VCAN: variants seen among roughly 807,000 people sequenced by gnomAD.
VCAN encodes versican core protein.
In VCAN, 44 loss-of-function variants were observed where a neutral mutation model predicts 245.5. The observed-to-expected ratio is 0.18, with a 90% CI of 0.14 to 0.23. The LOEUF (loss-of-function observed/expected upper bound fraction) is 0.23, where lower values mean the gene tolerates loss of function less well. VCAN is among the 10% of genes least tolerant of loss of function. The pLI, the probability that VCAN is intolerant of heterozygous loss-of-function variation, is 1.00. For missense variants in VCAN, 3,793 were observed against 4,057.9 expected (o/e 0.93, Z 1.77); for synonymous variants, 1,413 against 1,437.0 (o/e 0.98, Z 0.38).
Position 83,519,981 on chromosome 5 carries a change from G to T in VCAN, c.1675G>T (p.Asp559Tyr). The change falls in exon 7 of 15, where the codon GAC becomes TAC. Residue 559 changes from aspartate to tyrosine, a missense_variant. Physicochemically the swap from Asp to Tyr is radical, Grantham distance 160. Coordinates refer to ENST00000265077, the MANE Select transcript of VCAN (RefSeq NM_004385.5). ...CACCTTGGGAGAAGAGGATGATGAA[G>T]ACAGAACACTTACAGTTGGATCTGA... Reference protein sequence around the residue: ...GFTLGEEDDEDRTLTVGSDES... With the variant: ...GFTLGEEDDEYRTLTVGSDES... 6.2e-7 allele frequency: 1 copy of T among 1,614,046 alleles called. No homozygotes were observed. Among genetic ancestry groups the T allele is most frequent in the South Asian group, 1.1e-5 (1 of 91,062 alleles).
rs1259964573 is a variant in VCAN, at chr5:83,538,106, G to A, written c.5103G>A (p.Val1701=). 13 of 1,614,032 alleles carry A rather than the reference G, an allele frequency of 8.1e-6. No individual in the cohort carries two copies. The highest frequency in any genetic ancestry group is 1.1e-5 in the Non-Finnish European group (13 of 1,179,972). The change falls in exon 8 of 15, where the codon GTG becomes GTA. Residue 1701 remains valine (V), a synonymous_variant. Transcript: ENST00000265077. The part of the protein sequence containing the change: ...PVSEQPSAKV[V]PTKFVSETDT... ...CTGAACAACCTTCTGCAAAAGTGGT[G>A]CCTACCAAGTTTGTAAGTGAAACAG... is the stretch of plus-strand genomic sequence containing the variant.
At chr5:83,550,300 A>G (rs376503945) in intron 10 of VCAN, among the ~76,000 whole-genome samples, 1 of 152,180 alleles carries the variant, frequency 6.6e-6, no homozygotes, top group Non-Finnish European at 1.5e-5. Flanking sequence ...CACACTACAA[A>G]TCTGGGTTTG....
chr5:83,474,726 A>T (rs1364461652), intron 1 of VCAN, among the ~76,000 whole-genome samples: 2 of 152,174 alleles, frequency 1.3e-5, no homozygotes, highest in Non-Finnish European at 2.9e-5. Context: ...CGGGGAAGGC[A>T]GGGCCCAGCT....
At chr5:83,578,042 C>T (rs914509910) in intron 13 of VCAN, among the ~76,000 whole-genome samples, 26 of 152,162 alleles carry the variant, frequency 1.7e-4, no homozygotes, top group African/African-American at 6.3e-4. Context: ...TTTTAACCTT[C>T]CCTATCACTT....
chr5:83,573,467 A>T (rs1051330046), intron 13 of VCAN, among the ~76,000 whole-genome samples: 1 of 152,124 alleles, frequency 6.6e-6, no homozygotes, highest in Admixed American at 6.5e-5. Flanking sequence ...CCCAATCCTG[A>T]AAGACACAAT....
At chr5:83,534,350 C>T (rs2112434222) in intron 7 of VCAN, among the ~76,000 whole-genome samples, 1 of 151,850 alleles carries the variant, frequency 6.6e-6, no homozygotes, top group South Asian at 2.1e-4. Context: ...CTTATTTATC[C>T]TTGTGTTTTG....
At chr5:83,483,195 T>C (rs754581362) in intron 1 of VCAN, among the ~76,000 whole-genome samples, 18 of 152,234 alleles carry the variant, frequency 1.2e-4, no homozygotes, top group Non-Finnish European at 2.4e-4. Flanking sequence ...GTGGTCTCTG[T>C]TGTTCTTCAT....
In VCAN at chr5:83,538,901, C is replaced by T. The variant is rs1240778909; in HGVS notation, c.5898C>T (p.Asp1966=). 5 of 1,613,962 alleles carry T rather than the reference C, an allele frequency of 3.1e-6. No homozygotes were observed. Among genetic ancestry groups the T allele is most frequent in the Non-Finnish European group, 2.5e-6 (3 of 1,179,952 alleles). The part of the protein sequence containing the change: ...MEGSGDAAFR[D]TQTSPSTVPT... ...GCTCTGGAGATGCAGCATTTAGGGA[C>T]ACCCAGACTTCACCATCTACAGTAC... Residue 1966 remains aspartate, a synonymous_variant, in exon 8 of 15, where the codon GAC becomes GAT. Transcript: ENST00000265077.
intron 7 of VCAN, chr5:83,536,553 C>T (rs1746713366): frequency 1.3e-5 from 2 of 152,842 alleles, no homozygotes; most frequent in South Asian, 4.1e-4. Context: ...ATTACTTTTT[C>T]TATATAGATC....
chr5:83,521,760 T>C lies in VCAN; in HGVS notation c.3454T>C (p.Ser1152Pro), dbSNP rs1746112060. The C allele has an allele frequency of 6.2e-7, 1 of 1,614,152 alleles. No homozygotes were observed. The highest frequency in any genetic ancestry group is 8.5e-7 in the Non-Finnish European group (1 of 1,180,028). The change falls in exon 7 of 15, where the codon TCA becomes CCA. Residue 1152 changes from serine to proline, a missense_variant. Transcript: ENST00000265077. ...TEGSSTTGFT[S>P]SLSPFSTHIT... ...AGGTAGTAGTACAACAGGATTTACA[T>C]CATCTTTGAGTCCTTTTAGTACCCA...
At position 83,540,057 on chromosome 5, in the gene VCAN, T is replaced by C. The variant is rs757698733; in HGVS notation, c.7054T>C (p.Ser2352Pro). ...EGPTVAPLPF[S>P]TDIGHPQNQT... is the part of the protein sequence containing the mutation. ...ACCCACGGTGGCACCTCTCCCTTTC[T>C]CCACGGACATCGGACATCCTCAAAA... is the stretch of plus-strand genomic sequence containing the variant. Residue 2352 changes from serine to proline, a missense_variant, in exon 8 of 15, where the codon TCC (serine) becomes CCC (proline). Physicochemically the swap from Ser to Pro is moderately conservative, Grantham distance 74. Transcript: ENST00000265077. The C allele has an allele frequency of 1.2e-6, 2 of 1,614,038 alleles. No individual in the cohort carries two copies. Among genetic ancestry groups the C allele is most frequent in the Admixed American group, 3.3e-5 (2 of 59,982 alleles).
intron 7 of VCAN, among the ~76,000 whole-genome samples, chr5:83,530,305 A>G (rs1275431030): frequency 6.6e-6 from 1 of 152,170 alleles, no homozygotes; most frequent in African/African-American, 2.4e-5. Context: ...GCATATTTAT[A>G]GAATGAATGG....
intron 10 of VCAN, among the ~76,000 whole-genome samples, chr5:83,551,014 GAT>G (rs1747442859): frequency 1.3e-5 from 2 of 148,828 alleles, no homozygotes; most frequent in African/African-American, 5.0e-5. Flanking sequence ...CTATGATTTA[GAT>G]AGTACAAATA....
At position 83,471,870 on chromosome 5, in the gene VCAN, G is replaced by A; in HGVS notation, c.-160G>A. On this transcript the variant is annotated 5_prime_UTR_variant, in exon 1 of 15. Transcript: ENST00000265077. ...GGGACCAAGATCTTCGGCCAGCCCC[G>A]CATCCTCCCGCATCTTCCAGCACCG... 1 of 395,106 alleles carries A rather than the reference G, an allele frequency of 2.5e-6. No homozygotes were observed. 24.5% of individuals were successfully genotyped at this position (395,106 alleles called of 1,614,324 possible). A position where few individuals can be genotyped will look rare whatever the true frequency, so the allele number is the denominator to read the frequency against.
Position 83,580,407 on chromosome 5 carries a change from C to A in VCAN, c.10164C>A (p.Ser3388Arg). The A allele has an allele frequency of 6.2e-7, 1 of 1,613,848 alleles. No individual in the cohort carries two copies. Reference protein sequence around the residue: ...INTSKHDHRWSRRWQESRR With the variant: ...INTSKHDHRWRRRWQESRR The stretch of plus-strand genomic sequence containing the variant: ...CATCCAAACATGATCATCGTTGGAG[C>A]CGGAGGTGGCAGGAGTCGAGGCGCT... The change falls in exon 15 of 15, where the codon AGC becomes AGA. Residue 3388 changes from serine to arginine, a missense_variant. Around this residue, in one of 5 missense-constraint regions of VCAN, gnomAD observed 37 missense variants for 28.2 expected, o/e 1.31. Transcript: ENST00000265077.
chr5:83,564,853 G>A (rs961684116), intron 12 of VCAN, among the ~76,000 whole-genome samples: 5 of 152,116 alleles, frequency 3.3e-5, no homozygotes. Flanking sequence ...CTACACACAT[G>A]TCAAGAATGG....
At chr5:83,499,679 A>G (rs1745271145) in intron 5 of VCAN, among the ~76,000 whole-genome samples, 1 of 151,988 alleles carries the variant, frequency 6.6e-6, no homozygotes, top group Non-Finnish European at 1.5e-5. Flanking sequence ...TCTCATGGTA[A>G]ATTATTTTCC....
intron 13 of VCAN, among the ~76,000 whole-genome samples, chr5:83,575,275 A>T (rs1029128434): frequency 1.3e-5 from 2 of 152,200 alleles, no homozygotes; most frequent in African/African-American, 4.8e-5. Context: ...CTGTTTTCTC[A>T]CCCAAGGTAG....
chr5:83,541,479 T>C lies in VCAN; in HGVS notation c.8476T>C (p.Ser2826Pro). 1 of 1,614,082 alleles carries C rather than the reference T, an allele frequency of 6.2e-7. No homozygotes were observed. Among genetic ancestry groups the C allele is most frequent in the Non-Finnish European group, 8.5e-7 (1 of 1,179,996 alleles). ...TFAKLSSQTP[S>P]SPLTIYSGSE... Reference sequence around the variant, plus strand: ...TGCGAAGTTGTCTTCTCAGACACCATCATCTCCCCTCACTATCTACTCAGG... The same window carrying C: ...TGCGAAGTTGTCTTCTCAGACACCACCATCTCCCCTCACTATCTACTCAGG... The change falls in exon 8 of 15, where the codon TCA becomes CCA. Residue 2826 changes from serine (S) to proline (P), a missense_variant. Ser to Pro is a moderately conservative substitution (Grantham distance 74). Around this residue, in one of 5 missense-constraint regions of VCAN, gnomAD observed 3,182 missense variants for 3,250.3 expected, o/e 0.98. Coordinates refer to ENST00000265077, the MANE Select transcript of VCAN (RefSeq NM_004385.5).
Sources: allele counts gnomAD v4.1 joint callset (sites outside exome capture counted in the v4.1 genomes callset), GRCh38; gene constraint gnomAD v4.1.1; regional missense constraint gnomAD v4.1.1; transcripts MANE v1.5; gene names NCBI Gene and HGNC (gene_info 2026-07-23, HGNC 2026-07-21).